Variants in CELF2 observed in about 807,000 individuals in gnomAD.
CELF2 encodes the protein CUGBP Elav-like family member 2.
A neutral mutation model predicts 62.6 loss-of-function variants in CELF2; 8 were observed. The observed-to-expected ratio is 0.13, with a 90% CI of 0.07 to 0.23. CELF2 has a LOEUF of 0.23. Ranked by LOEUF, CELF2 falls within the 10% of genes least tolerant of loss-of-function variation. CELF2 has a pLI of 1.00. For missense variants in CELF2, 333 were observed against 671.0 expected (o/e 0.50, Z 5.56); for synonymous variants, 258 against 250.0 (o/e 1.03, Z -0.30).
At chr10:10,830,924 A>C (rs2057797780) in intron 1 of CELF2, among the ~76,000 whole-genome samples, 1 of 152,226 alleles carries the variant, frequency 6.6e-6, no homozygotes, top group East Asian at 1.9e-4. Flanking sequence ...TGCGTTAAAA[A>C]CAATAGATGA....
At chr10:10,652,925 T>C in the CELF2 span, among the ~76,000 whole-genome samples, 1 of 152,070 alleles carries the variant, frequency 6.6e-6, no homozygotes. Flanking sequence ...GACTGGCAAA[T>C]TGGATAAAGA....
chr10:10,752,802 T>TTTA, the CELF2 span, among the ~76,000 whole-genome samples: 2 of 116,524 alleles, frequency 1.7e-5, no homozygotes, highest in East Asian at 2.5e-4. Flanking sequence ...ATACCGGTAG[T>TTTA]AAAAAAAAAA....
the CELF2 span, among the ~76,000 whole-genome samples, chr10:10,624,723 T>C: frequency 2.0e-5 from 3 of 152,304 alleles, no homozygotes; most frequent in African/African-American, 7.2e-5. Context: ...AATAGCACAC[T>C]CTATTCACAT....
rs1015346396 is a variant in CELF2, at chr10:10,831,367, C to T, written c.53+32550C>T. ...TTCTGGAACAAGGTTTCCGAAGCCA[C>T]GCTGCCCTTCCTACATCAGGCAGTT... On this transcript the variant is annotated intron_variant, in intron 1 of 13. Transcript: ENST00000636488. Among the ~76,000 whole-genome samples, 26 of 152,326 alleles carry T rather than the reference C, an allele frequency of 1.7e-4. 1 individual carries two copies. The East Asian group carries it at 4.2e-3, about 25-fold the overall frequency.
At chr10:10,651,207 C>A in the CELF2 span, among the ~76,000 whole-genome samples, 1 of 121,240 alleles carries the variant, frequency 8.2e-6, no homozygotes, top group Non-Finnish European at 1.8e-5. Flanking sequence ...CCACATCTGG[C>A]TCGGAGGGTC....
the CELF2 span, among the ~76,000 whole-genome samples, chr10:10,499,319 G>A: frequency 6.6e-6 from 1 of 152,180 alleles, no homozygotes; most frequent in East Asian, 1.9e-4. Context: ...TCCTGTCTCA[G>A]CCTCCCGAAG....
chr10:10,672,144 C>A, the CELF2 span, among the ~76,000 whole-genome samples: 3 of 152,162 alleles, frequency 2.0e-5, no homozygotes, highest in African/African-American at 7.2e-5. Flanking sequence ...ATATAGTAAT[C>A]CTTTATCAGA....
chr10:10,496,687 T>G, the CELF2 span, among the ~76,000 whole-genome samples: 4 of 152,148 alleles, frequency 2.6e-5, no homozygotes, highest in Non-Finnish European at 5.9e-5. Flanking sequence ...GAAGTCCTTA[T>G]GATAAACTGT....
At chr10:10,501,550 T>C in the CELF2 span, among the ~76,000 whole-genome samples, 1 of 152,204 alleles carries the variant, frequency 6.6e-6, no homozygotes, top group Admixed American at 6.5e-5. Context: ...AGAGCTTTTT[T>C]AGCAATTGAC....
intron 1 of CELF2, among the ~76,000 whole-genome samples, chr10:10,882,356 C>T (rs891076117): frequency 2.0e-5 from 3 of 152,212 alleles, no homozygotes; most frequent in East Asian, 1.9e-4. Context: ...AAGAGCAGAA[C>T]TGAAATGTGG....
chr10:11,171,803 C>T (rs1240957697), intron 2 of CELF2, among the ~76,000 whole-genome samples: 1 of 152,172 alleles, frequency 6.6e-6, no homozygotes, highest in Non-Finnish European at 1.5e-5. Flanking sequence ...GTGCTGCTGG[C>T]ATGGTCTAAA....
At chr10:10,796,700 T>C (rs2054158154), upstream of CELF2, among the ~76,000 whole-genome samples, 1 of 152,236 alleles carries the variant, frequency 6.6e-6, no homozygotes, top group Non-Finnish European at 1.5e-5. Context: ...AACATTTCAT[T>C]AATTATCAAA....
chr10:10,874,979 A>G (rs1415096616), intron 1 of CELF2, among the ~76,000 whole-genome samples: 1 of 152,236 alleles, frequency 6.6e-6, no homozygotes, highest in Non-Finnish European at 1.5e-5. Context: ...AAAATTGATC[A>G]AAGATGATTT....
intron 9 of CELF2, among the ~76,000 whole-genome samples, chr10:11,293,082 C>A (rs2092724501): frequency 6.6e-6 from 1 of 152,234 alleles, no homozygotes; most frequent in African/African-American, 2.4e-5. Flanking sequence ...GCCCTTCCAT[C>A]CAGAATCCAG....
At chr10:10,668,416 C>G in the CELF2 span, among the ~76,000 whole-genome samples, 1 of 152,198 alleles carries the variant, frequency 6.6e-6, no homozygotes, top group South Asian at 2.1e-4. Flanking sequence ...TTCATGGACC[C>G]AGTTAGCTTA....
chr10:10,983,632 A>G lies in CELF2; in HGVS notation c.89+63633A>G, dbSNP rs749162493. 2.0e-5 allele frequency among the ~76,000 whole-genome samples: 3 copies of G among 152,188 alleles called. No individual in the cohort carries two copies. The highest frequency in any genetic ancestry group is 4.4e-5 in the Non-Finnish European group (3 of 68,030). On this transcript the variant is annotated intron_variant, in intron 2 of 13. Transcript: ENST00000636488. The surrounding 1 kb of genome is among the most constrained non-coding windows in gnomAD (Gnocchi z 5.2). ...GCCCAGGCTGGAGTGCAGTGGCACAATCTTGGCTCACTGCAACCTCCACCT... is the reference window on the plus strand; with the variant it reads ...GCCCAGGCTGGAGTGCAGTGGCACAGTCTTGGCTCACTGCAACCTCCACCT...
chr10:10,749,612 A>C, the CELF2 span, among the ~76,000 whole-genome samples: 6 of 152,234 alleles, frequency 3.9e-5, no homozygotes, highest in African/African-American at 1.4e-4. Context: ...ATATTTTTTA[A>C]ATATTTAATG....
rs2095606526 is a variant in CELF2 at position 11,324,216 on chromosome 10, C to CT, written c.1295-1618dup. Among the ~76,000 whole-genome samples the CT allele has an allele frequency of 1.3e-5, 2 of 152,206 alleles. No homozygotes were observed. Among genetic ancestry groups the CT allele is most frequent in the Non-Finnish European group, 1.5e-5 (1 of 68,042 alleles). Reference sequence around the variant, plus strand: ...CATTGAAACTGTATTTTCTCCCCGGCTTCAGGAGGTGAGATGTACTTCACA... The same window carrying CT: ...CATTGAAACTGTATTTTCTCCCCGGCTTTCAGGAGGTGAGATGTACTTCACA... On this transcript the variant is annotated intron_variant, in intron 11 of 12. Transcript: ENST00000633077. This position sits in a 1 kb window ranked among gnomAD's most constrained non-coding sequence, Gnocchi z 4.7.
intron 1 of CELF2, among the ~76,000 whole-genome samples, chr10:10,819,687 T>A (rs1220117065): frequency 6.6e-6 from 1 of 152,140 alleles, no homozygotes; most frequent in African/African-American, 2.4e-5. Flanking sequence ...GACCTTCTTT[T>A]CCTCTGCTCT....
Sources: allele counts gnomAD v4.1 joint callset (sites outside exome capture counted in the v4.1 genomes callset), GRCh38; gene constraint gnomAD v4.1.1; non-coding constraint Gnocchi (gnomAD v3.1); transcripts MANE v1.5; gene names NCBI Gene and HGNC (gene_info 2026-07-23, HGNC 2026-07-21).